UGT1A10: variants seen among roughly 807,000 people sequenced by gnomAD.
The protein encoded by UGT1A10 is UDP-glucuronosyltransferase 1A10.
Under a neutral mutation model 45.8 loss-of-function variants are expected in UGT1A10, and 49 were observed. The observed-to-expected ratio is 1.07, with a 90% CI of 0.85 to 1.36. The LOEUF (loss-of-function observed/expected upper bound fraction) is 1.36, where lower values mean the gene tolerates loss of function less well. UGT1A10 is among the 40% of genes most tolerant of loss of function. The probability of loss-of-function intolerance (pLI) is 0.00; values close to 1 mark genes in which losing one functional copy is unlikely to be tolerated. For synonymous variants in UGT1A10, 284 were observed against 249.7 expected, an observed-to-expected ratio of 1.14 and a Z score of -1.29; for missense variants, 745 against 668.6, an observed-to-expected ratio of 1.11 and a Z score of -1.26.
Position 233,767,922 on chromosome 2 carries a change from A to G in UGT1A10, c.1061A>G (p.Gln354Arg), listed in dbSNP as rs72551351. The G allele has an allele frequency of 6.2e-7, 1 of 1,614,240 alleles. No individual in the cohort carries two copies. The highest frequency in any genetic ancestry group is 1.1e-5 in the South Asian group (1 of 91,086). ...ACGATACTTGTTAAGTGGCTACCCC[A>G]AAACGATCTGCTTGGTATGTTGGGC... ...NNTILVKWLP[Q>R]NDLLGHPMTR... Residue 354 changes from glutamine (Q) to arginine (R), a missense_variant, in exon 3 of 5, where the codon CAA (glutamine) becomes CGA (arginine). Physicochemically the swap from Gln to Arg is conservative, Grantham distance 43. Transcript: ENST00000344644.
At chr2:233,681,927 G>A in intron 1 of UGT1A10, 2 of 1,610,084 alleles carry the variant, frequency 1.2e-6, no homozygotes, top group Middle Eastern at 1.7e-4. Flanking sequence ...GCTCTGGGCT[G>A]AAGTTCTCTG....
chr2:233,718,017 C>T (rs2076622656), intron 1 of UGT1A10: 3 of 393,308 alleles, frequency 7.6e-6, no homozygotes, highest in South Asian at 1.9e-5. Flanking sequence ...CAGGCTCCAG[C>T]TCCCCAGGTC....
chr2:233,659,028 C>T (rs2073912787), intron 1 of UGT1A10, among the ~76,000 whole-genome samples: 2 of 152,162 alleles, frequency 1.3e-5, no homozygotes, highest in African/African-American at 4.8e-5. Context: ...TACAGTTCAA[C>T]TGGGGAGAAA....
At chr2:233,677,198 G>A (rs763464312) in intron 1 of UGT1A10, among the ~76,000 whole-genome samples, 14 of 152,164 alleles carry the variant, frequency 9.2e-5, no homozygotes, top group South Asian at 2.1e-4. Flanking sequence ...ATTTAGGTCC[G>A]TCATCAGTGC....
At chr2:233,721,999 A>G (rs1463858336) in intron 1 of UGT1A10, 3 of 263,690 alleles carry the variant, frequency 1.1e-5, no homozygotes, top group African/African-American at 6.7e-5. Flanking sequence ...AATGTCCTTT[A>G]AGTGAACAGG....
intron 1 of UGT1A10, chr2:233,708,678 G>A (rs935708271): frequency 6.6e-6 from 1 of 152,188 alleles, no homozygotes; most frequent in African/African-American, 2.4e-5. Flanking sequence ...TTGAGCCCAG[G>A]AGTTCAAGGT....
chr2:233,671,188 G>C (rs1221801534), intron 1 of UGT1A10, among the ~76,000 whole-genome samples: 1 of 152,242 alleles, frequency 6.6e-6, no homozygotes, highest in Non-Finnish European at 1.5e-5. Context: ...GAATGTGCAA[G>C]TTGAGCGGTC....
intron 1 of UGT1A10, among the ~76,000 whole-genome samples, chr2:233,701,570 C>T (rs1230204481): frequency 1.3e-5 from 2 of 152,144 alleles, no homozygotes; most frequent in African/African-American, 2.4e-5. Flanking sequence ...CACACCTACT[C>T]CAAAATTGAC....
At chr2:233,758,212 G>A (rs377480824) in intron 1 of UGT1A10, among the ~76,000 whole-genome samples, 4 of 152,326 alleles carry the variant, frequency 2.6e-5, no homozygotes, top group African/African-American at 9.6e-5. Context: ...GTTCTCTGTT[G>A]TAATTCATGA....
intron 1 of UGT1A10, among the ~76,000 whole-genome samples, chr2:233,763,208 C>A (rs998860630): frequency 1.3e-5 from 2 of 152,170 alleles, no homozygotes; most frequent in Non-Finnish European, 2.9e-5. Flanking sequence ...TGCAGTCAGG[C>A]TTAGGTGTGA....
At chr2:233,718,360 T>C (rs2076649371) in intron 1 of UGT1A10, among the ~76,000 whole-genome samples, 1 of 152,232 alleles carries the variant, frequency 6.6e-6, no homozygotes, top group Non-Finnish European at 1.5e-5. Context: ...TGCTGTGTTA[T>C]TCACATATGA....
chr2:233,652,572 A>G (rs527936116), intron 1 of UGT1A10, among the ~76,000 whole-genome samples: 1 of 152,268 alleles, frequency 6.6e-6, no homozygotes, highest in African/African-American at 2.4e-5. Context: ...ATATTGTCTC[A>G]CTCATAATGC....
chr2:233,650,777 T>C (rs893866837), intron 1 of UGT1A10, among the ~76,000 whole-genome samples: 4 of 152,244 alleles, frequency 2.6e-5, no homozygotes, highest in African/African-American at 9.6e-5. Flanking sequence ...AACTAGATCC[T>C]ATTCAGACAT....
chr2:233,646,355 C>G (rs997817266), intron 1 of UGT1A10, among the ~76,000 whole-genome samples: 4 of 151,798 alleles, frequency 2.6e-5, no homozygotes, highest in African/African-American at 9.7e-5. Context: ...ACATTCGGCT[C>G]CTCATTACTT....
chr2:233,680,970 C>T (rs12472689), intron 1 of UGT1A10, among the ~76,000 whole-genome samples: 27,603 of 151,780 alleles, frequency 0.18, 2,725 homozygotes, highest in Non-Finnish European at 0.23. Flanking sequence ...TGGAAGGGTC[C>T]ATGGAGGCAG....
intron 1 of UGT1A10, among the ~76,000 whole-genome samples, chr2:233,644,525 C>T (rs753319699): frequency 1.3e-5 from 2 of 152,130 alleles, no homozygotes; most frequent in Non-Finnish European, 2.9e-5. Flanking sequence ...CATACCACTG[C>T]ACTCCAGCCT....
rs767620587 is a variant in UGT1A10, at chr2:233,754,884, G to C, written c.856-12150G>C. 5.9e-6 allele frequency: 8 copies of C among 1,350,598 alleles called. No homozygotes were observed. In the Admixed American group the frequency reaches 7.6e-5, roughly 13 times the overall value. The allele number at this position is 1,350,598 out of a possible 1,614,324, so 83.7% of individuals were successfully genotyped here. A position where few individuals can be genotyped will look rare whatever the true frequency, so the allele number is the denominator to read the frequency against. ...AGACCCTCTGCTTCTGCTTCCCAGG[G>C]AGTTCCTCTGACCCCCCAAAATATT... On this transcript the variant is annotated intron_variant, in intron 1 of 4. Coordinates refer to ENST00000344644, the MANE Select transcript of UGT1A10 (RefSeq NM_019075.4).
chr2:233,772,142 A>T, intron 4 of UGT1A10, 120 bp from the exon 5 acceptor site: 1 of 1,550,154 alleles, frequency 6.5e-7, no homozygotes, highest in Non-Finnish European at 8.7e-7. Context: ...AATAATAGAA[A>T]CAGGTTTCCT....
chr2:233,666,817 A>G (rs1275382481), intron 1 of UGT1A10, among the ~76,000 whole-genome samples: 1 of 106,120 alleles, frequency 9.4e-6, no homozygotes, highest in Non-Finnish European at 1.8e-5. Context: ...ATCCCACAAC[A>G]GGCCCTGGTG....
Sources: gnomAD v4.1 joint callset for allele counts (sites outside exome capture counted in the v4.1 genomes callset) on GRCh38, gnomAD v4.1.1 for gene constraint, MANE v1.5 for transcripts, NCBI Gene and HGNC (gene_info 2026-07-23, HGNC 2026-07-21) for gene names.